Variants in ARHGAP25 observed in about 807,000 individuals in gnomAD.
ARHGAP25 encodes rho GTPase-activating protein 25.
Under a neutral mutation model 71.0 loss-of-function variants are expected in ARHGAP25, and 34 were observed. That is an observed-to-expected ratio of 0.48 (90% confidence interval 0.36 to 0.64). The LOEUF (loss-of-function observed/expected upper bound fraction) is 0.64, where lower values mean the gene tolerates loss of function less well. Ranked by LOEUF, ARHGAP25 falls within the 30% of genes least tolerant of loss-of-function variation. The pLI, the probability that ARHGAP25 is intolerant of heterozygous loss-of-function variation, is 0.00. For synonymous variants in ARHGAP25, 282 were observed against 296.5 expected, an observed-to-expected ratio of 0.95 and a Z score of 0.50; for missense variants, 706 against 805.1, an observed-to-expected ratio of 0.88 and a Z score of 1.49.
At chr2:68,755,453 T>G (rs2104327485) in intron 1 of ARHGAP25, among the ~76,000 whole-genome samples, 1 of 152,340 alleles carries the variant, frequency 6.6e-6, no homozygotes, top group East Asian at 1.9e-4. Context: ...CTGGATTCTC[T>G]TTTTCAAAAT....
Position 68,727,193 on chromosome 2 carries a change from G to T in ARHGAP25, c.-18+16495G>T, listed in dbSNP as rs370348758. Among the ~76,000 whole-genome samples, 45 of 152,218 alleles carry T rather than the reference G, an allele frequency of 3.0e-4. 1 individual carries two copies. The South Asian group carries it at 8.7e-3, about 29-fold the overall frequency. On this transcript the variant is annotated intron_variant and NMD_transcript_variant, in intron 2 of 7. Transcript: ENST00000463483. ...GTGCGTCTGCAACACGGGGGCCCACGTTCAAATGCCTGCACGAGCCAGGTG... is the reference window on the plus strand; with the variant it reads ...GTGCGTCTGCAACACGGGGGCCCACTTTCAAATGCCTGCACGAGCCAGGTG...
At chr2:68,822,241 C>T in intron 9 of ARHGAP25, 99 bp from the exon 10 acceptor site, 1 of 1,167,360 alleles carries the variant, frequency 8.6e-7, no homozygotes, top group East Asian at 2.4e-5. Context: ...AGGTATGCTA[C>T]CAGGAAACTT....
intron 2 of ARHGAP25, among the ~76,000 whole-genome samples, chr2:68,715,788 T>C (rs537780352): frequency 3.3e-5 from 5 of 152,294 alleles, no homozygotes; most frequent in African/African-American, 1.2e-4. Flanking sequence ...GGTTTAGCAG[T>C]GAGGCACCCG....
intron 2 of ARHGAP25, among the ~76,000 whole-genome samples, chr2:68,724,009 G>C (rs1453347332): frequency 6.6e-6 from 1 of 152,052 alleles, no homozygotes; most frequent in East Asian, 1.9e-4. Context: ...GAGTAGCTGG[G>C]ACTACAGGTG....
chr2:68,776,023 G>T (rs1194313284), intron 2 of ARHGAP25, among the ~76,000 whole-genome samples: 3 of 152,186 alleles, frequency 2.0e-5, no homozygotes, highest in Non-Finnish European at 4.4e-5. Context: ...ATGGTCAAAT[G>T]ACCTCATGAA....
rs1366707959 is a variant in ARHGAP25 at position 68,807,371 on chromosome 2, C to T, written c.565C>T (p.Leu189=). ...ILVEKCAEFI[L]EHGRNEEGIF... The stretch of plus-strand genomic sequence containing the variant: ...GGTGGAGAAATGTGCAGAGTTCATC[C>T]TGGAGCACGGCCGGAATGAAGAGGG... The change falls in exon 5 of 11, where the codon CTG becomes TTG. Residue 189 remains leucine, a synonymous_variant. Transcript: ENST00000409202. 6.2e-7 allele frequency: 1 copy of T among 1,614,224 alleles called. No homozygotes were observed. The highest frequency in any genetic ancestry group is 1.3e-5 in the African/African-American group (1 of 75,050).
rs1363842271 is a variant in ARHGAP25, at chr2:68,807,350, G to A, written c.544G>A (p.Glu182Lys). The change falls in exon 5 of 11, where the codon GAG (glutamate) becomes AAG (lysine). Residue 182 changes from glutamate to lysine, a missense_variant. Glu to Lys is a moderately conservative substitution (Grantham distance 56). Transcript: ENST00000409202. ...FGPHLVPILV[E>K]KCAEFILEHG... ...CCCCCATCTGGTGCCCATCCTGGTG[G>A]AGAAATGTGCAGAGTTCATCCTGGA... 2.5e-6 allele frequency: 4 copies of A among 1,614,122 alleles called. No individual in the cohort carries two copies. The highest frequency in any genetic ancestry group is 3.4e-6 in the Non-Finnish European group (4 of 1,180,058).
chr2:68,815,415 G>T (rs1270539745), intron 6 of ARHGAP25, among the ~76,000 whole-genome samples: 5 of 36,842 alleles, frequency 1.4e-4, no homozygotes, highest in African/African-American at 3.0e-4. Context: ...AGGAGTGCCT[G>T]CACACCGGCA....
intron 4 of ARHGAP25, among the ~76,000 whole-genome samples, chr2:68,790,803 C>G (rs1679120153): frequency 6.6e-6 from 1 of 152,204 alleles, no homozygotes; most frequent in Admixed American, 6.5e-5. Flanking sequence ...CCTGTCTTAT[C>G]AAGATTCTTC....
At chr2:68,791,884 A>G (rs1023228575) in intron 4 of ARHGAP25, among the ~76,000 whole-genome samples, 3 of 152,222 alleles carry the variant, frequency 2.0e-5, no homozygotes, top group South Asian at 4.1e-4. Context: ...AGGGCAGCAC[A>G]TTGGTGTTTC....
chr2:68,803,453 A>G (rs1680153741), intron 4 of ARHGAP25, among the ~76,000 whole-genome samples: 3 of 152,138 alleles, frequency 2.0e-5, no homozygotes, highest in Admixed American at 2.0e-4. Flanking sequence ...GTGATAAGTG[A>G]GGAAGTGGGG....
rs72899840 is a variant in ARHGAP25, at chr2:68,787,179, G to A, written c.350-661G>A. On this transcript the variant is annotated intron_variant, in intron 3 of 10. Coordinates refer to ENST00000409202, the MANE Select transcript of ARHGAP25 (RefSeq NM_001007231.3). ...TCCCTTCAATTTCTCCCACCTTTTT[G>A]GTCCATTTGAGAACACCAACCGAGG... Among the ~76,000 whole-genome samples, 514 of 151,958 alleles carry A rather than the reference G, an allele frequency of 3.4e-3. 2 individuals are homozygous for A. Among genetic ancestry groups the A allele is most frequent in the African/African-American group, 0.012 (486 of 41,374 alleles).
intron 1 of ARHGAP25, among the ~76,000 whole-genome samples, chr2:68,743,663 C>T (rs914749910): frequency 1.3e-5 from 2 of 152,132 alleles, no homozygotes; most frequent in African/African-American, 4.8e-5. Context: ...GTTGTCACCT[C>T]CAGTCCATTC....
At chr2:68,822,934 T>G in intron 10 of ARHGAP25, 62 bp downstream of exon 10, 1 of 1,480,512 alleles carries the variant, frequency 6.8e-7, no homozygotes, top group South Asian at 1.3e-5. Flanking sequence ...CAAGAGGGAT[T>G]GTTCCCATCC....
intron 1 of ARHGAP25, among the ~76,000 whole-genome samples, chr2:68,761,501 T>G (rs947644613): frequency 6.6e-6 from 1 of 150,998 alleles, no homozygotes; most frequent in Non-Finnish European, 1.5e-5. Context: ...GGGATTAATA[T>G]CCAGAATGTA....
At chr2:68,783,277 G>A (rs955910703) in intron 3 of ARHGAP25, among the ~76,000 whole-genome samples, 30 of 152,020 alleles carry the variant, frequency 2.0e-4, no homozygotes, top group African/African-American at 7.0e-4. Flanking sequence ...ATTTAATAAG[G>A]AAATAAATAT....
At chr2:68,811,607 G>T (rs764615959) in intron 5 of ARHGAP25, among the ~76,000 whole-genome samples, 2 of 151,948 alleles carry the variant, frequency 1.3e-5, no homozygotes, top group African/African-American at 4.8e-5. Context: ...GTGCCAGCCC[G>T]TGTTCTCCTA....
intron 2 of ARHGAP25, among the ~76,000 whole-genome samples, chr2:68,723,000 C>T (rs1039226172): frequency 6.6e-6 from 1 of 152,192 alleles, no homozygotes; most frequent in African/African-American, 2.4e-5. Context: ...CCTCTCTGCT[C>T]TCTTTTTTTA....
At chr2:68,812,848 G>C (rs540570830) in intron 5 of ARHGAP25, among the ~76,000 whole-genome samples, 2 of 152,258 alleles carry the variant, frequency 1.3e-5, no homozygotes, top group East Asian at 1.9e-4. Context: ...GAGTAAATAC[G>C]TGAGTGAACC....
Sources: allele counts gnomAD v4.1 joint callset (sites outside exome capture counted in the v4.1 genomes callset), GRCh38; gene constraint gnomAD v4.1.1; transcripts MANE v1.5; gene names NCBI Gene and HGNC (gene_info 2026-07-23, HGNC 2026-07-21).